LRRTM4: variants seen among roughly 807,000 people sequenced by gnomAD.
LRRTM4 encodes the protein leucine rich repeat transmembrane neuronal 4.
LRRTM4 carries 25 observed loss-of-function variants against 47.6 expected under a neutral mutation model. That is an observed-to-expected ratio of 0.53 (90% CI 0.38 to 0.73). LRRTM4 has a LOEUF of 0.73. Ranked by LOEUF, LRRTM4 falls within the 30% of genes least tolerant of loss-of-function variation. The pLI, the probability that LRRTM4 is intolerant of heterozygous loss-of-function variation, is 0.00. For synonymous variants in LRRTM4, 311 were observed against 269.5 expected (o/e 1.15, Z -1.51); for missense variants, 638 against 713.4 (o/e 0.89, Z 1.20).
intron 3 of LRRTM4, among the ~76,000 whole-genome samples, chr2:77,502,913 G>A (rs1327855320): frequency 1.3e-5 from 2 of 151,414 alleles, no homozygotes; most frequent in East Asian, 3.9e-4. Flanking sequence ...CATTGTCCAA[G>A]GAGAAAGAAT....
intron 3 of LRRTM4, among the ~76,000 whole-genome samples, chr2:76,773,359 TTC>T (rs1040416320): frequency 1.8e-4 from 27 of 152,248 alleles, no homozygotes; most frequent in Non-Finnish European, 3.2e-4. Flanking sequence ...TGTTTAATTT[TTC>T]TCTCTTATTG....
chr2:76,945,448 G>A (rs1465574767), intron 3 of LRRTM4, among the ~76,000 whole-genome samples: 1 of 152,126 alleles, frequency 6.6e-6, no homozygotes, highest in Non-Finnish European at 1.5e-5. Flanking sequence ...TGAAAATGAA[G>A]AGTGAACTAT....
intron 3 of LRRTM4, among the ~76,000 whole-genome samples, chr2:77,054,101 C>T (rs186150368): frequency 3.3e-5 from 5 of 152,122 alleles, no homozygotes; most frequent in Admixed American, 1.3e-4. Context: ...TCAGATTTTT[C>T]GTCCAAAACA....
At chr2:77,307,918 A>G (rs1204573163) in intron 3 of LRRTM4, among the ~76,000 whole-genome samples, 1 of 90,168 alleles carries the variant, frequency 1.1e-5, no homozygotes, top group Non-Finnish European at 1.9e-5. Context: ...ATATAAATAT[A>G]TAGATATATC....
chr2:76,999,099 T>C (rs913513543), intron 3 of LRRTM4, among the ~76,000 whole-genome samples: 3 of 151,884 alleles, frequency 2.0e-5, no homozygotes, highest in Non-Finnish European at 4.4e-5. Flanking sequence ...GTGTGTGTGT[T>C]GGGGAGGGGT....
At chr2:77,052,657 T>C (rs1345727026) in intron 3 of LRRTM4, among the ~76,000 whole-genome samples, 2 of 152,088 alleles carry the variant, frequency 1.3e-5, no homozygotes, top group African/African-American at 4.8e-5. Flanking sequence ...CAGGTTTTAT[T>C]ATAACATTTT....
intron 3 of LRRTM4, among the ~76,000 whole-genome samples, chr2:77,209,437 A>C (rs1052540183): frequency 1.3e-5 from 2 of 152,048 alleles, no homozygotes; most frequent in African/African-American, 2.4e-5. Context: ...AAAAAAAAAA[A>C]AACAAAAAAC....
intron 3 of LRRTM4, among the ~76,000 whole-genome samples, chr2:77,092,965 TC>T (rs1670695224): frequency 6.8e-6 from 1 of 147,536 alleles, no homozygotes; most frequent in Non-Finnish European, 1.5e-5. Context: ...ACTTTTCCCT[TC>T]TCAGAATTCA....
intron 3 of LRRTM4, among the ~76,000 whole-genome samples, chr2:77,414,945 A>G (rs1674581067): frequency 6.6e-6 from 1 of 152,206 alleles, no homozygotes; most frequent in African/African-American, 2.4e-5. Context: ...GGATTTCCAC[A>G]CATAATACAA....
At chr2:76,901,034 G>GT (rs200973365) in intron 3 of LRRTM4, among the ~76,000 whole-genome samples, 1,649 of 152,120 alleles carry the variant, frequency 0.011, 36 homozygotes, top group African/African-American at 0.038. Flanking sequence ...GAGAAAAATT[G>GT]TTTTTTTAAT....
chr2:77,343,742 G>T (rs1037016692), intron 3 of LRRTM4, among the ~76,000 whole-genome samples: 1 of 151,844 alleles, frequency 6.6e-6, no homozygotes, highest in African/African-American at 2.4e-5. Flanking sequence ...ATTAACAGTG[G>T]TGATATATAA....
intron 3 of LRRTM4, among the ~76,000 whole-genome samples, chr2:77,305,418 G>A (rs1042999849): frequency 6.6e-6 from 1 of 151,938 alleles, no homozygotes; most frequent in Non-Finnish European, 1.5e-5. Flanking sequence ...TTCAATATAG[G>A]TAGTAGCTAA....
intron 3 of LRRTM4, among the ~76,000 whole-genome samples, chr2:77,388,913 G>A (rs1388235804): frequency 1.3e-5 from 2 of 151,910 alleles, no homozygotes; most frequent in Non-Finnish European, 2.9e-5. Context: ...TCTGTAAACA[G>A]TAATGTGTTC....
intron 3 of LRRTM4, among the ~76,000 whole-genome samples, chr2:76,799,214 C>A (rs941608074): frequency 8.0e-6 from 1 of 125,258 alleles, no homozygotes; most frequent in African/African-American, 3.5e-5. Context: ...AAAATACTGG[C>A]AAAACGAATC....
intron 3 of LRRTM4, among the ~76,000 whole-genome samples, chr2:77,311,783 G>A (rs1429678404): frequency 1.3e-5 from 2 of 152,088 alleles, no homozygotes; most frequent in African/African-American, 4.8e-5. Context: ...ATTTAAGAAA[G>A]AGAAAACAAA....
chr2:77,074,243 C>T (rs1680259678), intron 3 of LRRTM4, among the ~76,000 whole-genome samples: 1 of 152,114 alleles, frequency 6.6e-6, no homozygotes, highest in Non-Finnish European at 1.5e-5. Context: ...CTAACCTAAC[C>T]AGCCTTTGCT....
chr2:76,762,343 A>C (rs1673289076), intron 3 of LRRTM4, among the ~76,000 whole-genome samples: 1 of 152,070 alleles, frequency 6.6e-6, no homozygotes, highest in Admixed American at 6.6e-5. Context: ...TCTTCTGGGC[A>C]TCTAGACCTC....
intron 3 of LRRTM4, among the ~76,000 whole-genome samples, chr2:76,793,247 C>A (rs1301414536): frequency 6.6e-6 from 1 of 152,064 alleles, no homozygotes; most frequent in Non-Finnish European, 1.5e-5. Context: ...TTCATTGTTC[C>A]TTGACCTTTC....
intron 3 of LRRTM4, among the ~76,000 whole-genome samples, chr2:76,963,168 A>C (rs1043199669): frequency 6.6e-6 from 1 of 151,136 alleles, no homozygotes; most frequent in East Asian, 2.0e-4. Flanking sequence ...ATGTATTATA[A>C]AAATTTAATT....
Sources: allele counts gnomAD v4.1 joint callset (sites outside exome capture counted in the v4.1 genomes callset), GRCh38; gene constraint gnomAD v4.1.1; transcripts MANE v1.5; gene names NCBI Gene and HGNC (gene_info 2026-07-23, HGNC 2026-07-21).